AP1AR: variants seen among roughly 807,000 people sequenced by gnomAD.
The protein encoded by AP1AR is adaptor related protein complex 1 associated regulatory protein, also known as AP-1 complex-associated regulatory protein.
In AP1AR, 29 loss-of-function variants were observed where a neutral mutation model predicts 46.3. The ratio of observed to expected loss-of-function variants is 0.63; its 90% CI spans 0.47 to 0.85. AP1AR has a LOEUF of 0.85. Ranked by LOEUF, AP1AR falls within the 40% of genes least tolerant of loss-of-function variation. AP1AR has a pLI of 0.00. For missense variants in AP1AR, 357 were observed against 356.3 expected, an observed-to-expected ratio of 1.00 and a Z score of -0.02; for synonymous variants, 122 against 122.9, an observed-to-expected ratio of 0.99 and a Z score of 0.05.
intron 1 of AP1AR, among the ~76,000 whole-genome samples, chr4:112,242,731 G>A (rs1725562053): frequency 6.6e-6 from 1 of 152,180 alleles, no homozygotes; most frequent in Admixed American, 6.5e-5. Flanking sequence ...TTCCTATTAG[G>A]CCCCACCCCT....
intron 5 of AP1AR, among the ~76,000 whole-genome samples, chr4:112,262,286 G>A (rs1726484822): frequency 6.6e-6 from 1 of 152,182 alleles, no homozygotes; most frequent in Admixed American, 6.5e-5. Context: ...CAGGCTGGGT[G>A]ACAGAATAAC....
intron 1 of AP1AR, among the ~76,000 whole-genome samples, chr4:112,244,669 T>C (rs995576402): frequency 1.3e-5 from 2 of 152,132 alleles, no homozygotes; most frequent in African/African-American, 4.8e-5. Flanking sequence ...CTGTCAGTAA[T>C]AATGCAGTGT....
chr4:112,249,226 G>A (rs868782820), intron 1 of AP1AR, among the ~76,000 whole-genome samples: 6 of 152,102 alleles, frequency 3.9e-5, no homozygotes, highest in African/African-American at 1.2e-4. Context: ...CCCAGCGGGT[G>A]GAGGTTGTGA....
At chr4:112,232,317 G>A in intron 1 of AP1AR, 143 bp downstream of exon 1, 3 of 728,136 alleles carry the variant, frequency 4.1e-6, no homozygotes, top group Non-Finnish European at 5.7e-6. Flanking sequence ...CGTCAGACTG[G>A]TGGTCGTCTT....
chr4:112,241,944 C>T (rs921885739), intron 1 of AP1AR, among the ~76,000 whole-genome samples: 1 of 151,762 alleles, frequency 6.6e-6, no homozygotes, highest in African/African-American at 2.4e-5. Context: ...GACTTTGGAA[C>T]AATTTACCAT....
chr4:112,260,418 ATTTT>A (rs1393153585), intron 4 of AP1AR, among the ~76,000 whole-genome samples: 3 of 152,206 alleles, frequency 2.0e-5, no homozygotes, highest in African/African-American at 7.2e-5. Context: ...TGATGTTTAT[ATTTT>A]ATGATGAGCA....
intron 1 of AP1AR, among the ~76,000 whole-genome samples, chr4:112,243,614 A>T (rs1458330562): frequency 6.6e-5 from 10 of 152,340 alleles, no homozygotes; most frequent in Admixed American, 2.6e-4. Flanking sequence ...TTCTGGTTCA[A>T]GTCATTCATT....
intron 1 of AP1AR, among the ~76,000 whole-genome samples, chr4:112,250,499 A>T (rs920627972): frequency 1.3e-5 from 2 of 152,218 alleles, no homozygotes; most frequent in African/African-American, 4.8e-5. Flanking sequence ...ACTGAATTTA[A>T]TACATCACAT....
chr4:112,244,038 A>G (rs1725618639), intron 1 of AP1AR, among the ~76,000 whole-genome samples: 2 of 152,334 alleles, frequency 1.3e-5, no homozygotes, highest in African/African-American at 4.8e-5. Flanking sequence ...TACCAGCAAC[A>G]AATACTGCAT....
rs537529343 is a variant in AP1AR, at chr4:112,270,438, A to G, written c.*2029A>G. Among the ~76,000 whole-genome samples the G allele has an allele frequency of 6.6e-6, 1 of 152,316 alleles. No individual in the cohort carries two copies. The highest frequency in any genetic ancestry group is 2.1e-4 in the South Asian group (1 of 4,832). On this transcript the variant is annotated 3_prime_UTR_variant, in exon 10 of 10. Coordinates refer to ENST00000274000, the MANE Select transcript of AP1AR (RefSeq NM_018569.6). Reference sequence around the variant, plus strand: ...AGGTCACAGTTAGAAAATATACAAGATTATAGGAGAGAGAGTAACTGGGGG... The same window carrying G: ...AGGTCACAGTTAGAAAATATACAAGGTTATAGGAGAGAGAGTAACTGGGGG...
chr4:112,238,006 C>A lies in AP1AR; in HGVS notation c.83+5832C>A, dbSNP rs1056716911. ...TGGTCTGTCACAACTACTGAACTTG[C>A]CTGTTTTAGTGCAAGAGCAGCCATA... On this transcript the variant is annotated intron_variant, in intron 1 of 9. Coordinates refer to ENST00000274000, the MANE Select transcript of AP1AR (RefSeq NM_018569.6). 6.6e-5 allele frequency among the ~76,000 whole-genome samples: 10 copies of A among 152,200 alleles called. No homozygotes were observed. The South Asian group carries it at 1.2e-3, about 19-fold the overall frequency.
chr4:112,253,575 G>A (rs944976466), intron 2 of AP1AR, among the ~76,000 whole-genome samples: 6 of 152,336 alleles, frequency 3.9e-5, no homozygotes, highest in Admixed American at 2.6e-4. Flanking sequence ...CAGCAGGGGG[G>A]AGTCCAGAAA....
Position 112,272,260 on chromosome 4 carries a change from A to C in AP1AR, c.*3851A>C, listed in dbSNP as rs1463527980. On this transcript the variant is annotated 3_prime_UTR_variant, in exon 10 of 10. Transcript: ENST00000274000. ...GATATGAACAGGGCAGGACAGCGCC[A>C]CAAAGACTGTGAGGGCTGGTGACAG... 6.6e-6 allele frequency among the ~76,000 whole-genome samples: 1 copy of C among 152,198 alleles called. No individual in the cohort carries two copies. Among genetic ancestry groups the C allele is most frequent in the Non-Finnish European group, 1.5e-5 (1 of 68,036 alleles).
Position 112,269,658 on chromosome 4 carries a change from G to A in AP1AR, c.*1249G>A, listed in dbSNP as rs1726868393. On this transcript the variant is annotated 3_prime_UTR_variant, in exon 10 of 10. Coordinates refer to ENST00000274000, the MANE Select transcript of AP1AR (RefSeq NM_018569.6). ...ATATAAATAGTAACCTAAAGTTCTT[G>A]CTGTGCTTAAAAAAAAAAATCATGT... is the stretch of plus-strand genomic sequence containing the variant. The A allele has an allele frequency of 6.6e-6, 1 of 151,304 alleles. No individual in the cohort carries two copies. Among genetic ancestry groups the A allele is most frequent in the Non-Finnish European group, 1.5e-5 (1 of 67,670 alleles). The allele number at this position is 151,304 out of a possible 1,614,324, so 9.4% of individuals were successfully genotyped here.
At chr4:112,234,230 T>A (rs1286111412) in intron 1 of AP1AR, among the ~76,000 whole-genome samples, 2 of 152,256 alleles carry the variant, frequency 1.3e-5, no homozygotes, top group Admixed American at 6.5e-5. Flanking sequence ...TTGGAATATA[T>A]GCATTATATA....
chr4:112,232,276 G>C (rs1335367740), intron 1 of AP1AR, 102 bp downstream of exon 1: 4 of 1,020,328 alleles, frequency 3.9e-6, no homozygotes, highest in Non-Finnish European at 3.8e-6. Flanking sequence ...GGTGGCGGTC[G>C]AGAGCCCTGC....
At chr4:112,260,590 A>G (rs1173393010) in intron 4 of AP1AR, among the ~76,000 whole-genome samples, 176 bp from the exon 5 acceptor site, 1 of 152,244 alleles carries the variant, frequency 6.6e-6, no homozygotes, top group South Asian at 2.1e-4. Flanking sequence ...CTAGAATAAT[A>G]GCAAGTGTTA....
At position 112,272,171 on chromosome 4, in the gene AP1AR, A is replaced by G. The variant is rs28480591; in HGVS notation, c.*3762A>G. Among the ~76,000 whole-genome samples, 88,813 of 151,934 alleles carry G rather than the reference A, an allele frequency of 0.58. 27,168 individuals are homozygous for G. Among genetic ancestry groups the G allele is most frequent in the African/African-American group, 0.78 (32,199 of 41,424 alleles). ...GAGAGCAGAGAAATGGGGTAGCTGG[A>G]AGGGGATGTGGAGTTATAGAAGGGT... On this transcript the variant is annotated 3_prime_UTR_variant, in exon 10 of 10. Transcript: ENST00000274000.
intron 1 of AP1AR, among the ~76,000 whole-genome samples, chr4:112,236,067 T>C (rs564256528): frequency 3.3e-5 from 5 of 152,030 alleles, no homozygotes; most frequent in African/African-American, 7.2e-5. Flanking sequence ...CAACCACCAC[T>C]ACTTCCAAAT....
Sources: gnomAD v4.1 joint callset for allele counts (sites outside exome capture counted in the v4.1 genomes callset) on GRCh38, gnomAD v4.1.1 for gene constraint, MANE v1.5 for transcripts, NCBI Gene and HGNC (gene_info 2026-07-23, HGNC 2026-07-21) for gene names.